PRKAA2: variants seen among roughly 807,000 people sequenced by gnomAD.
PRKAA2 encodes protein kinase AMP-activated catalytic subunit alpha 2.
PRKAA2 carries 40 observed loss-of-function variants against 56.3 expected under a neutral mutation model. That is an observed-to-expected ratio of 0.71 (90% CI 0.55 to 0.92). The LOEUF (loss-of-function observed/expected upper bound fraction) is 0.92, where lower values mean the gene tolerates loss of function less well. PRKAA2 is among the 40% of genes least tolerant of loss of function. The pLI is 0.00. For missense variants in PRKAA2, 542 were observed against 686.9 expected (o/e 0.79, Z 2.36); for synonymous variants, 214 against 234.2 (o/e 0.91, Z 0.79).
intron 2 of PRKAA2, among the ~76,000 whole-genome samples, chr1:56,685,798 A>G (rs1048129992): frequency 6.6e-6 from 1 of 152,208 alleles, no homozygotes; most frequent in African/African-American, 2.4e-5. Flanking sequence ...GAAAAAAACA[A>G]CAGAGATAGA....
intron 5 of PRKAA2, among the ~76,000 whole-genome samples, chr1:56,694,108 C>A (rs942952041): frequency 6.6e-6 from 1 of 152,130 alleles, no homozygotes; most frequent in Non-Finnish European, 1.5e-5. Context: ...ACATATCTTT[C>A]ATTTTACAAA....
chr1:56,712,077 T>G lies in PRKAA2; in HGVS notation c.*4364T>G, dbSNP rs1644371759. 2 of 152,198 alleles carry G rather than the reference T, an allele frequency of 1.3e-5. No individual in the cohort carries two copies. Among genetic ancestry groups the G allele is most frequent in the African/African-American group, 4.8e-5 (2 of 41,462 alleles). 9.4% of individuals were successfully genotyped at this position (152,198 alleles called of 1,614,324 possible). A position where few individuals can be genotyped will look rare whatever the true frequency, so the allele number is the denominator to read the frequency against. ...TCCATATATTTTTTATAGTGATTTT[T>G]CGATCTAGAGACCCTTCATATTGTT... On this transcript the variant is annotated 3_prime_UTR_variant, in exon 9 of 9. Transcript: ENST00000371244.
At chr1:56,678,223 CAAAAA>C (rs897880867) in intron 2 of PRKAA2, among the ~76,000 whole-genome samples, 1 of 152,036 alleles carries the variant, frequency 6.6e-6, no homozygotes, top group Admixed American at 6.5e-5. Flanking sequence ...GATCTTAAAA[CAAAAA>C]ACAAACAAAC....
At chr1:56,680,326 G>A (rs1644144190) in intron 2 of PRKAA2, among the ~76,000 whole-genome samples, 1 of 151,920 alleles carries the variant, frequency 6.6e-6, no homozygotes, top group East Asian at 1.9e-4. Context: ...GAAGTACTTA[G>A]GAGCAGGAAT....
At chr1:56,651,970 T>A (rs995921775) in intron 1 of PRKAA2, among the ~76,000 whole-genome samples, 14 of 151,334 alleles carry the variant, frequency 9.3e-5, no homozygotes, top group South Asian at 2.1e-4. Flanking sequence ...GCCTCCCCAG[T>A]AGCTGAGACT....
chr1:56,695,881 T>C (rs1245382448), intron 5 of PRKAA2, 54 bp from the exon 6 acceptor site: 4 of 1,479,794 alleles, frequency 2.7e-6, no homozygotes, highest in Non-Finnish European at 3.8e-6. Context: ...GTAGGGTACA[T>C]AGAGAAAAAG....
In PRKAA2 at chr1:56,681,540, G is replaced by A. The variant is rs1569758787; in HGVS notation, c.236+7018G>A. 3.9e-5 allele frequency among the ~76,000 whole-genome samples: 6 copies of A among 152,328 alleles called. No homozygotes were observed. The Middle Eastern group carries it at 0.014, about 345-fold the overall frequency. On this transcript the variant is annotated intron_variant, in intron 2 of 8. Coordinates refer to ENST00000371244, the MANE Select transcript of PRKAA2 (RefSeq NM_006252.4). Reference sequence around the variant, plus strand: ...TCTTGAATTAATTTTTGTATAAGGTGTAAGGAAGGGGTCCAGTTTCAGCTT... The same window carrying A: ...TCTTGAATTAATTTTTGTATAAGGTATAAGGAAGGGGTCCAGTTTCAGCTT...
At chr1:56,678,185 G>A (rs1644126976) in intron 2 of PRKAA2, among the ~76,000 whole-genome samples, 2 of 152,212 alleles carry the variant, frequency 1.3e-5, no homozygotes, top group South Asian at 4.1e-4. Context: ...AATTCATTCA[G>A]CCACATTGCC....
At chr1:56,659,965 G>A (rs1252632233) in intron 1 of PRKAA2, among the ~76,000 whole-genome samples, 1 of 152,174 alleles carries the variant, frequency 6.6e-6, no homozygotes, top group Non-Finnish European at 1.5e-5. Context: ...GTTAGGTGTA[G>A]AGCAAGTCTT....
chr1:56,651,157 C>T (rs985598362), intron 1 of PRKAA2, among the ~76,000 whole-genome samples: 6 of 152,106 alleles, frequency 3.9e-5, no homozygotes, highest in South Asian at 2.1e-4. Flanking sequence ...ATCATTAAAC[C>T]GATTTTTAAA....
intron 1 of PRKAA2, among the ~76,000 whole-genome samples, chr1:56,646,414 G>C (rs1291241089): frequency 6.6e-6 from 1 of 152,158 alleles, no homozygotes; most frequent in Non-Finnish European, 1.5e-5. Flanking sequence ...TGTCTTCATG[G>C]AGATAGGATC....
Position 56,711,687 on chromosome 1 carries a change from C to T in PRKAA2, c.*3974C>T, listed in dbSNP as rs951505283. The T allele has an allele frequency of 4.6e-5, 7 of 152,008 alleles. No individual in the cohort carries two copies. The East Asian group carries it at 9.6e-4, about 21-fold the overall frequency. 9.4% of individuals were successfully genotyped at this position (152,008 alleles called of 1,614,324 possible). The stretch of plus-strand genomic sequence containing the variant: ...CAAAGACTCTATTAAAAACTCTGGA[C>T]GAGGGATATGTGCAATCTGTTGGTA... On this transcript the variant is annotated 3_prime_UTR_variant, in exon 9 of 9. Transcript: ENST00000371244.
chr1:56,664,053 G>A (rs530190027), intron 1 of PRKAA2, among the ~76,000 whole-genome samples: 44 of 152,278 alleles, frequency 2.9e-4, no homozygotes, highest in African/African-American at 1.1e-3. Flanking sequence ...AGCAGTGATT[G>A]CATCACTGCC....
chr1:56,671,391 G>C (rs1024258214), intron 1 of PRKAA2: 1 of 152,152 alleles, frequency 6.6e-6, no homozygotes, highest in African/African-American at 2.4e-5. Context: ...AATTCCCAAA[G>C]ATGAGTAATA....
rs752842791 is a variant in PRKAA2, at chr1:56,697,012, A to ATT, written c.788+867_788+868dup. 1.2e-4 allele frequency among the ~76,000 whole-genome samples: 7 copies of ATT among 57,868 alleles called. 1 individual carries two copies. Among genetic ancestry groups the ATT allele is most frequent in the East Asian group, 5.8e-4 (1 of 1,722 alleles). The allele number at this position is 57,868 out of a possible 152,430, so 38.0% of individuals were successfully genotyped here. On this transcript the variant is annotated intron_variant, in intron 6 of 8. Coordinates refer to ENST00000371244, the MANE Select transcript of PRKAA2 (RefSeq NM_006252.4). ...CCTTTTCATCATTAGCCAGCAAAGA[A>ATT]TTTTTTTTTTTTTTTAAGGCAGGGT...
Position 56,709,189 on chromosome 1 carries a change from C to A in PRKAA2, c.*1476C>A, listed in dbSNP as rs918958779. On this transcript the variant is annotated 3_prime_UTR_variant, in exon 9 of 9. Transcript: ENST00000371244. ...AAAATGACATTACCTTGACAGGCTT[C>A]TCTTTGCCAAAAGTAATGTATGTTC... is the stretch of plus-strand genomic sequence containing the variant. The A allele has an allele frequency of 1.2e-4, 18 of 152,136 alleles. No homozygotes were observed. Among genetic ancestry groups the A allele is most frequent in the African/African-American group, 4.3e-4 (18 of 41,436 alleles). The allele number at this position is 152,136 out of a possible 1,614,324, so 9.4% of individuals were successfully genotyped here.
intron 5 of PRKAA2, 132 bp from the exon 6 acceptor site, chr1:56,695,803 C>A: frequency 1.3e-6 from 1 of 760,386 alleles, no homozygotes; most frequent in Non-Finnish European, 2.2e-6. Context: ...TATTGGGGAG[C>A]AGCCATGGAC....
chr1:56,695,201 TA>T (rs1394316526), intron 5 of PRKAA2, among the ~76,000 whole-genome samples: 10,214 of 143,538 alleles, frequency 0.071, 649 homozygotes, highest in African/African-American at 0.19. Context: ...TATATATATA[TA>T]TTTTTTGTTT....
At chr1:56,661,286 C>T (rs557590845) in intron 1 of PRKAA2, among the ~76,000 whole-genome samples, 2 of 152,248 alleles carry the variant, frequency 1.3e-5, no homozygotes, top group East Asian at 1.9e-4. Flanking sequence ...AACACATCCA[C>T]GTAACCACCA....
Sources: gnomAD v4.1 joint callset for allele counts (sites outside exome capture counted in the v4.1 genomes callset) on GRCh38, gnomAD v4.1.1 for gene constraint, MANE v1.5 for transcripts, NCBI Gene and HGNC (gene_info 2026-07-23, HGNC 2026-07-21) for gene names.